Variants in TARS3 observed in about 807,000 individuals in gnomAD.
TARS3 encodes the protein threonyl-tRNA synthetase 3.
In TARS3, 94 loss-of-function variants were observed where a neutral mutation model predicts 103.5. That is an observed-to-expected ratio of 0.91 (90% CI 0.77 to 1.08). The LOEUF is 1.08. TARS3 is among the 50% of genes least tolerant of loss of function. The probability of loss-of-function intolerance (pLI) is 0.00; values close to 1 mark genes in which losing one functional copy is unlikely to be tolerated. For missense variants in TARS3, 952 were observed against 995.2 expected, an observed-to-expected ratio of 0.96 and a Z score of 0.58; for synonymous variants, 416 against 355.4, an observed-to-expected ratio of 1.17 and a Z score of -1.92.
chr15:101,673,437 C>T (rs904869971), intron 13 of TARS3, among the ~76,000 whole-genome samples: 2 of 152,196 alleles, frequency 1.3e-5, no homozygotes, highest in Non-Finnish European at 2.9e-5. Flanking sequence ...CATGTAAATT[C>T]CTTCATTTAA....
chr15:101,666,947 CA>C (rs1239137224), intron 15 of TARS3, among the ~76,000 whole-genome samples: 9 of 152,100 alleles, frequency 5.9e-5, no homozygotes, highest in Non-Finnish European at 1.2e-4. Context: ...GTATGCCTTC[CA>C]AAATGAATTT....
At chr15:101,714,453 A>C (rs377406765) in intron 4 of TARS3, among the ~76,000 whole-genome samples, 411 of 151,868 alleles carry the variant, frequency 2.7e-3, no homozygotes, top group African/African-American at 9.3e-3. Context: ...AAAATATGAA[A>C]AATTATCTGA....
At chr15:101,724,002 A>G in intron 1 of TARS3, 89 bp downstream of exon 1, 1 of 1,222,380 alleles carries the variant, frequency 8.2e-7, no homozygotes, top group South Asian at 2.2e-5. Context: ...GCGCCCCCGC[A>G]CCTGCCCCCG....
At chr15:101,690,697 C>T (rs142350902) in intron 10 of TARS3, among the ~76,000 whole-genome samples, 2 of 152,310 alleles carry the variant, frequency 1.3e-5, no homozygotes, top group East Asian at 3.9e-4. Flanking sequence ...GTATTTAATC[C>T]TTCTACTATT....
At chr15:101,690,607 T>C (rs2141413909) in intron 10 of TARS3, among the ~76,000 whole-genome samples, 1 of 152,378 alleles carries the variant, frequency 6.6e-6, no homozygotes, top group Non-Finnish European at 1.5e-5. Flanking sequence ...TGAGGTATAC[T>C]GAACCCCCTT....
Position 101,671,859 on chromosome 15 carries a change from A to G in TARS3, c.1789-111T>C, listed in dbSNP as rs1897820295. On this transcript the variant is annotated intron_variant, in intron 13 of 18. Coordinates refer to ENST00000335968, the MANE Select transcript of TARS3 (RefSeq NM_152334.3). The stretch of plus-strand genomic sequence containing the variant: ...ATTACAGTCTATGTTAGTTCAACAT[A>G]TATTTATTGAGCATCTTTTACATTC... 4.7e-6 allele frequency: 4 copies of G among 844,360 alleles called. No individual in the cohort carries two copies. The East Asian group carries it at 1.1e-4, about 22-fold the overall frequency. The allele number at this position is 844,360 out of a possible 1,614,324, so 52.3% of individuals were successfully genotyped here. A position where few individuals can be genotyped will look rare whatever the true frequency, so the allele number is the denominator to read the frequency against.
intron 16 of TARS3, among the ~76,000 whole-genome samples, chr15:101,660,199 TG>T (rs1355652815): frequency 6.6e-6 from 1 of 152,148 alleles, no homozygotes; most frequent in African/African-American, 2.4e-5. Flanking sequence ...ATAGTAGCAG[TG>T]GGGGCAGTAG....
intron 15 of TARS3, among the ~76,000 whole-genome samples, chr15:101,667,530 C>T (rs1023499706): frequency 6.6e-6 from 1 of 151,694 alleles, no homozygotes; most frequent in African/African-American, 2.4e-5. Context: ...GAAGCTTGTA[C>T]GTCAGCACTT....
chr15:101,722,463 G>GTTTTAATGCTTTTAATGC (rs1181827756), intron 2 of TARS3, among the ~76,000 whole-genome samples: 1 of 144,996 alleles, frequency 6.9e-6, no homozygotes, highest in East Asian at 2.1e-4. Context: ...CTTACTGATT[G>GTTTTAATGCTTTTAATGC]TTTTAATGCT....
intron 11 of TARS3, 48 bp downstream of exon 11, chr15:101,685,848 C>A: frequency 7.0e-7 from 1 of 1,433,916 alleles, no homozygotes; most frequent in Non-Finnish European, 9.5e-7. Flanking sequence ...TGTGACGAAG[C>A]GTGCTATGTG....
intron 18 of TARS3, chr15:101,655,975 G>A (rs925706496): frequency 7.0e-6 from 9 of 1,289,110 alleles, no homozygotes; most frequent in African/African-American, 4.6e-5. Flanking sequence ...AGATGATGCA[G>A]GAATCTACAG....
chr15:101,696,227 A>C (rs2141421424), intron 10 of TARS3, among the ~76,000 whole-genome samples: 1 of 151,412 alleles, frequency 6.6e-6, no homozygotes, highest in South Asian at 2.1e-4. Context: ...AAAAAAAAAA[A>C]AAAAAAAAAA....
intron 12 of TARS3, among the ~76,000 whole-genome samples, chr15:101,679,687 T>C (rs1262903317): frequency 3.3e-5 from 5 of 152,188 alleles, no homozygotes; most frequent in South Asian, 2.1e-4. Context: ...GCATGATGAG[T>C]GATTTTCAAT....
At chr15:101,695,135 T>C (rs1182050395) in intron 10 of TARS3, among the ~76,000 whole-genome samples, 1 of 152,230 alleles carries the variant, frequency 6.6e-6, no homozygotes, top group Non-Finnish European at 1.5e-5. Context: ...TTACACGCCA[T>C]AAAATTCACC....
chr15:101,677,585 A>G (rs1596297663), intron 12 of TARS3, among the ~76,000 whole-genome samples: 1 of 143,516 alleles, frequency 7.0e-6, no homozygotes, highest in Admixed American at 7.0e-5. Context: ...CACAACCTCC[A>G]CCTCCCGGGT....
At chr15:101,713,601 G>C (rs1184725956) in intron 4 of TARS3, among the ~76,000 whole-genome samples, 2 of 152,148 alleles carry the variant, frequency 1.3e-5, no homozygotes, top group African/African-American at 4.8e-5. Flanking sequence ...ACTGGAGATG[G>C]AGTTGAGGGA....
intron 10 of TARS3, among the ~76,000 whole-genome samples, chr15:101,693,656 C>A (rs146372079): frequency 6.6e-6 from 1 of 152,230 alleles, no homozygotes; most frequent in East Asian, 1.9e-4. Context: ...ACCCAAATGC[C>A]CCTCAACTGC....
intron 3 of TARS3, 120 bp downstream of exon 3, chr15:101,721,006 G>T: frequency 1.2e-6 from 1 of 846,078 alleles, no homozygotes; most frequent in Non-Finnish European, 1.8e-6. Context: ...CCCAGTCTCA[G>T]ACATGTCCTT....
chr15:101,701,702 C>A (rs1567346679), intron 9 of TARS3, among the ~76,000 whole-genome samples: 1 of 152,218 alleles, frequency 6.6e-6, no homozygotes, highest in Non-Finnish European at 1.5e-5. Flanking sequence ...GCTTTCCAGT[C>A]TGAGCTTTTC....
Sources: gnomAD v4.1 joint callset for allele counts (sites outside exome capture counted in the v4.1 genomes callset) on GRCh38, gnomAD v4.1.1 for gene constraint, MANE v1.5 for transcripts, NCBI Gene and HGNC (gene_info 2026-07-23, HGNC 2026-07-21) for gene names.